NEBL: variants seen among roughly 807,000 people sequenced by gnomAD.
The protein encoded by NEBL is nebulette, also known as LIM and SH3 protein 2.
In NEBL, 122 loss-of-function variants were observed where a neutral mutation model predicts 140.2. That is an observed-to-expected ratio of 0.87 (90% CI 0.75 to 1.01). NEBL has a LOEUF of 1.01. Ranked by LOEUF, NEBL falls within the 50% of genes least tolerant of loss-of-function variation. The pLI is 0.00. For synonymous variants in NEBL, 436 were observed against 398.9 expected (o/e 1.09, Z -1.11); for missense variants, 1,365 against 1,231.3 (o/e 1.11, Z -1.62).
intron 1 of NEBL, among the ~76,000 whole-genome samples, chr10:21,288,809 CGTGT>C (rs76161328): frequency 1.8e-5 from 1 of 56,768 alleles, no homozygotes; most frequent in South Asian, 9.5e-4. Flanking sequence ...ACAATATATA[CGTGT>C]GTGTGTGTAT....
chr10:20,787,771 T>C (rs1486579211), intron 26 of NEBL, among the ~76,000 whole-genome samples: 1 of 152,216 alleles, frequency 6.6e-6, no homozygotes, highest in African/African-American at 2.4e-5. Context: ...TGAATGTTAC[T>C]TTTACAAAGA....
intron 4 of NEBL, among the ~76,000 whole-genome samples, chr10:20,959,804 T>G (rs978940620): frequency 1.2e-4 from 18 of 151,984 alleles, no homozygotes; most frequent in Non-Finnish European, 2.9e-5. Flanking sequence ...AAAGATGTTG[T>G]CTAAGTTACA....
chr10:21,099,130 C>T (rs141087453), intron 2 of NEBL, among the ~76,000 whole-genome samples: 36 of 152,294 alleles, frequency 2.4e-4, no homozygotes, highest in African/African-American at 7.7e-4. Context: ...AAGACCCTGT[C>T]TCTAAAAATA....
rs184026365 is a variant in NEBL, at chr10:20,903,898, G to A, written c.357+57774C>T. On this transcript the variant is annotated intron_variant, in intron 4 of 6. Coordinates refer to the NEBL transcript ENST00000417816. Reference sequence around the variant, plus strand: ...AGAAGGGTAAGGGATTAAAATCTACGGATTGGGAACAATTACACTACTCAA... The same window carrying A: ...AGAAGGGTAAGGGATTAAAATCTACAGATTGGGAACAATTACACTACTCAA... Among the ~76,000 whole-genome samples, 101 of 151,036 alleles carry A rather than the reference G, an allele frequency of 6.7e-4. 2 individuals carry two copies. Among genetic ancestry groups the A allele is most frequent in the African/African-American group, 2.3e-3 (95 of 40,628 alleles).
intron 2 of NEBL, among the ~76,000 whole-genome samples, chr10:21,095,099 A>G (rs56412811): frequency 0.019 from 2,910 of 152,266 alleles, 102 homozygotes; most frequent in African/African-American, 0.066. Context: ...TTTCCAATTC[A>G]CATTCCAAGG....
intron 1 of NEBL, among the ~76,000 whole-genome samples, chr10:21,278,852 G>A (rs79396500): frequency 0.11 from 16,367 of 152,068 alleles, 1,022 homozygotes; most frequent in South Asian, 0.19. Context: ...CTCACTCCCC[G>A]CAAGGCCTGT....
chr10:20,945,310 C>T (rs1190009699), intron 4 of NEBL, among the ~76,000 whole-genome samples: 1 of 152,124 alleles, frequency 6.6e-6, no homozygotes, highest in Non-Finnish European at 1.5e-5. Context: ...CTCTGTACTC[C>T]AAAAATTCCC....
Position 20,785,979 on chromosome 10 carries a change from T to G in NEBL, c.2869-56A>C, listed in dbSNP as rs1835373896. ...ATGCCGAAATAGCTACAGCCACAAA[T>G]TCCAATCACAACACACCGACCCACA... is the stretch of plus-strand genomic sequence containing the variant. On this transcript the variant is annotated intron_variant, in intron 27 of 27. Transcript: ENST00000377122. 3 of 1,541,876 alleles carry G rather than the reference T, an allele frequency of 1.9e-6. No individual in the cohort carries two copies. The East Asian group carries it at 6.7e-5, about 35-fold the overall frequency.
chr10:20,983,598 C>A (rs747894083), intron 3 of NEBL, among the ~76,000 whole-genome samples: 3 of 152,220 alleles, frequency 2.0e-5, no homozygotes, highest in African/African-American at 7.2e-5. Flanking sequence ...TATTCACAAG[C>A]ATCCAGTGAT....
intron 5 of NEBL, among the ~76,000 whole-genome samples, chr10:20,875,673 T>C (rs907392395): frequency 3.3e-5 from 5 of 151,938 alleles, no homozygotes; most frequent in African/African-American, 9.7e-5. Context: ...CACTTGGAGA[T>C]GAGAAGATTG....
chr10:20,907,581 T>C (rs1266429523), intron 4 of NEBL, among the ~76,000 whole-genome samples: 2 of 152,196 alleles, frequency 1.3e-5, no homozygotes, highest in Non-Finnish European at 2.9e-5. Flanking sequence ...GTTCATCACA[T>C]TGGCTAGGTA....
At chr10:21,210,138 TC>T (rs1841893068) in intron 3 of NEBL, among the ~76,000 whole-genome samples, 1 of 152,128 alleles carries the variant, frequency 6.6e-6, no homozygotes, top group Admixed American at 6.5e-5. Flanking sequence ...ACACCTCTAA[TC>T]CCAGCACTTT....
intron 2 of NEBL, among the ~76,000 whole-genome samples, chr10:21,097,354 G>C (rs751714103): frequency 6.6e-6 from 1 of 152,044 alleles, no homozygotes; most frequent in Non-Finnish European, 1.5e-5. Flanking sequence ...AGCAACTCAG[G>C]AGGCTGAGGC....
rs1188459712 is a variant in NEBL at position 20,808,638 on chromosome 10, C to T, written c.2633G>A (p.Arg878Gln). Residue 878 changes from arginine (R) to glutamine (Q), a missense_variant, in exon 26 of 28, where the codon CGA becomes CAA. By Grantham distance (43) the Arg-to-Gln change is conservative (BLOSUM62 1). Transcript: ENST00000377122. ...MLSEKASHYR[R>Q]HWSRSHSSST... The stretch of plus-strand genomic sequence containing the variant: ...GCTGGAATGGGATCGAGACCAGTGT[C>T]GCCTATAGTGACTCGCCTTTTCTAT... The T allele has an allele frequency of 1.9e-6, 3 of 1,613,192 alleles. No homozygotes were observed. The African/African-American group carries it at 4.0e-5, about 22-fold the overall frequency.
intron 3 of NEBL, among the ~76,000 whole-genome samples, chr10:20,980,364 G>A (rs1339125491): frequency 6.7e-6 from 1 of 149,518 alleles, no homozygotes; most frequent in African/African-American, 2.5e-5. Context: ...GTTTCTTTTT[G>A]TTCAGAAACA....
chr10:20,845,012 G>A (rs1435842234), intron 12 of NEBL, among the ~76,000 whole-genome samples: 5 of 151,880 alleles, frequency 3.3e-5, no homozygotes, highest in East Asian at 1.9e-4. Context: ...CAAAAAACTA[G>A]GCTGTTTTTC....
intron 2 of NEBL, among the ~76,000 whole-genome samples, chr10:21,167,365 G>A (rs867650185): frequency 6.6e-6 from 1 of 152,156 alleles, no homozygotes; most frequent in Non-Finnish European, 1.5e-5. Flanking sequence ...TAAGATACAA[G>A]GTATAGTAAA....
Position 20,817,515 on chromosome 10 carries a change from G to A in NEBL, c.2148+85C>T, listed in dbSNP as rs1319907772. On this transcript the variant is annotated intron_variant, in intron 21 of 27. Coordinates refer to ENST00000377122, the MANE Select transcript of NEBL (RefSeq NM_006393.3). ...GAACAGGACATCAGCTCAAGGTTAT[G>A]AAAATTCTATAAATACAATCCCTTC... is the stretch of plus-strand genomic sequence containing the variant. 8 of 1,169,504 alleles carry A rather than the reference G, an allele frequency of 6.8e-6. No homozygotes were observed. The East Asian group carries it at 1.6e-4, about 24-fold the overall frequency. The allele number at this position is 1,169,504 out of a possible 1,614,324, so 72.4% of individuals were successfully genotyped here. A position where few individuals can be genotyped will look rare whatever the true frequency, so the allele number is the denominator to read the frequency against.
intron 16 of NEBL, among the ~76,000 whole-genome samples, chr10:20,829,463 C>T (rs1478977034): frequency 2.0e-5 from 3 of 151,320 alleles, no homozygotes; most frequent in Non-Finnish European, 4.4e-5. Context: ...GGAGGGATAG[C>T]ATTAGGAGAT....
Sources: allele counts gnomAD v4.1 joint callset (sites outside exome capture counted in the v4.1 genomes callset), GRCh38; gene constraint gnomAD v4.1.1; transcripts MANE v1.5; gene names NCBI Gene and HGNC (gene_info 2026-07-23, HGNC 2026-07-21).